Variants in ATG7 observed in about 807,000 individuals in gnomAD.
ATG7 encodes autophagy related 7, also known as ubiquitin-like modifier-activating enzyme ATG7.
In ATG7, 70 loss-of-function variants were observed where a neutral mutation model predicts 82.4. The observed-to-expected ratio is 0.85, with a 90% CI of 0.70 to 1.04. The LOEUF (loss-of-function observed/expected upper bound fraction) is 1.04, where lower values mean the gene tolerates loss of function less well. Ranked by LOEUF, ATG7 falls within the 50% of genes least tolerant of loss-of-function variation. ATG7 has a pLI of 0.00. For synonymous variants in ATG7, 287 were observed against 313.0 expected (o/e 0.92, Z 0.88); for missense variants, 792 against 864.3 (o/e 0.92, Z 1.05).
At chr3:11,449,917 G>A (rs1276304034) in intron 20 of ATG7, among the ~76,000 whole-genome samples, 1 of 152,204 alleles carries the variant, frequency 6.6e-6, no homozygotes, top group African/African-American at 2.4e-5. Flanking sequence ...GGGAAGCCCT[G>A]GAGTTGAAGT....
At chr3:11,554,435 A>C (rs1395648836) in intron 20 of ATG7, among the ~76,000 whole-genome samples, 1 of 152,186 alleles carries the variant, frequency 6.6e-6, no homozygotes, top group Non-Finnish European at 1.5e-5. Context: ...CTTGCCTTCC[A>C]GAGGGCAGGT....
intron 19 of ATG7, among the ~76,000 whole-genome samples, chr3:11,406,634 G>T (rs1010287851): frequency 6.6e-6 from 1 of 152,146 alleles, no homozygotes; most frequent in African/African-American, 2.4e-5. Flanking sequence ...AAAGAAGGAG[G>T]TTTATCAGAC....
intron 11 of ATG7, among the ~76,000 whole-genome samples, chr3:11,339,189 G>T (rs1356268555): frequency 6.6e-6 from 1 of 151,362 alleles, no homozygotes; most frequent in African/African-American, 2.4e-5. Context: ...CCAGCTACTC[G>T]GGAGGCTGAG....
chr3:11,393,769 C>T (rs2079002800), intron 19 of ATG7, among the ~76,000 whole-genome samples: 1 of 152,108 alleles, frequency 6.6e-6, no homozygotes, highest in South Asian at 2.1e-4. Context: ...CAACCTCCAC[C>T]TCCAAGGTTC....
At chr3:11,407,511 CTGTG>C (rs1273530496) in intron 19 of ATG7, among the ~76,000 whole-genome samples, 1 of 152,220 alleles carries the variant, frequency 6.6e-6, no homozygotes, top group Non-Finnish European at 1.5e-5. Flanking sequence ...AGTAGGAACT[CTGTG>C]TGGGGGCTCT....
intron 19 of ATG7, among the ~76,000 whole-genome samples, chr3:11,409,679 A>G (rs190130263): frequency 6.0e-4 from 92 of 152,152 alleles, no homozygotes; most frequent in Admixed American, 2.3e-3. Flanking sequence ...ATGTTATCCC[A>G]TAGGAGGTTT....
chr3:11,523,564 G>A (rs923452387), intron 20 of ATG7, among the ~76,000 whole-genome samples: 1 of 152,212 alleles, frequency 6.6e-6, no homozygotes, highest in African/African-American at 2.4e-5. Context: ...AGTCCTAAAC[G>A]TTGATTTGCC....
intron 19 of ATG7, among the ~76,000 whole-genome samples, chr3:11,414,390 C>T (rs780843413): frequency 6.6e-6 from 1 of 152,234 alleles, no homozygotes; most frequent in Non-Finnish European, 1.5e-5. Flanking sequence ...GACTATGTAT[C>T]CTGCACCCTA....
chr3:11,273,203 T>G (rs1051886781), intron 1 of ATG7, among the ~76,000 whole-genome samples: 2 of 152,246 alleles, frequency 1.3e-5, no homozygotes, highest in African/African-American at 4.8e-5. Context: ...CCTGTTCAAC[T>G]GTAACCAGTC....
intron 20 of ATG7, among the ~76,000 whole-genome samples, chr3:11,524,636 C>T (rs1171848343): frequency 1.3e-5 from 2 of 151,880 alleles, no homozygotes; most frequent in East Asian, 1.9e-4. Flanking sequence ...AATGGTAGTG[C>T]ATTAGTCGAG....
chr3:11,462,381 C>T (rs1431388789), intron 20 of ATG7, among the ~76,000 whole-genome samples: 1 of 152,064 alleles, frequency 6.6e-6, no homozygotes, highest in African/African-American at 2.4e-5. Flanking sequence ...AGACATGGCA[C>T]ACCATGCAGG....
chr3:11,448,756 G>C (rs1311025765), intron 20 of ATG7, among the ~76,000 whole-genome samples: 16 of 152,182 alleles, frequency 1.1e-4, no homozygotes, highest in Admixed American at 1.0e-3. Flanking sequence ...TGAGGCAACA[G>C]AGGCATCAGT....
At chr3:11,429,901 G>A (rs144114810) in intron 20 of ATG7, among the ~76,000 whole-genome samples, 7 of 149,042 alleles carry the variant, frequency 4.7e-5, no homozygotes, top group South Asian at 4.2e-4. Flanking sequence ...AGCTGAAATC[G>A]CGCGACTGAA....
At chr3:11,560,828 CG>C (rs1256719035), downstream of ATG7, among the ~76,000 whole-genome samples, 3 of 152,260 alleles carry the variant, frequency 2.0e-5, no homozygotes, top group Admixed American at 2.0e-4. Context: ...AGAGAGAACC[CG>C]GGCAGGTGGA....
At chr3:11,473,589 C>T (rs1411275261) in intron 20 of ATG7, among the ~76,000 whole-genome samples, 1 of 152,132 alleles carries the variant, frequency 6.6e-6, no homozygotes, top group African/African-American at 2.4e-5. Flanking sequence ...TATGAGACCC[C>T]ATTTCTGACC....
chr3:11,291,942 T>C (rs1007255074), intron 3 of ATG7, among the ~76,000 whole-genome samples: 3 of 152,212 alleles, frequency 2.0e-5, no homozygotes, highest in Admixed American at 6.5e-5. Context: ...CAGTAAGCTT[T>C]CGTTTGTTTG....
At chr3:11,478,251 T>C (rs144848688) in intron 20 of ATG7, among the ~76,000 whole-genome samples, 57 of 152,350 alleles carry the variant, frequency 3.7e-4, no homozygotes, top group African/African-American at 1.3e-3. Context: ...AAAAAAATTA[T>C]TTAAATGTTT....
intron 19 of ATG7, among the ~76,000 whole-genome samples, chr3:11,421,564 A>G (rs2081947561): frequency 6.6e-6 from 1 of 152,134 alleles, no homozygotes; most frequent in Admixed American, 6.6e-5. Flanking sequence ...CCACACCTAC[A>G]GTGACTTCCT....
At chr3:11,308,348 T>A (rs1384473104) in intron 6 of ATG7, 1 of 152,408 alleles carries the variant, frequency 6.6e-6, no homozygotes, top group South Asian at 2.1e-4. Context: ...ACTTGCTGAG[T>A]ATACATAAAT....
Sources: allele counts gnomAD v4.1 joint callset (sites outside exome capture counted in the v4.1 genomes callset), GRCh38; gene constraint gnomAD v4.1.1; transcripts MANE v1.5; gene names NCBI Gene and HGNC (gene_info 2026-07-23, HGNC 2026-07-21).